BICDL1: variants seen among roughly 807,000 people sequenced by gnomAD.
The protein encoded by BICDL1 is BICD family-like cargo adapter 1.
Under a neutral mutation model 76.8 loss-of-function variants are expected in BICDL1, and 20 were observed. The observed-to-expected ratio is 0.26, with a 90% confidence interval of 0.18 to 0.38. The LOEUF (loss-of-function observed/expected upper bound fraction) is 0.38. Ranked by LOEUF, BICDL1 falls within the 10% of genes least tolerant of loss-of-function variation. The pLI, the probability that BICDL1 is intolerant of heterozygous loss-of-function variation, is 1.00. For synonymous variants in BICDL1, 383 were observed against 337.1 expected, an observed-to-expected ratio of 1.14 and a Z score of -1.49; for missense variants, 700 against 798.6, an observed-to-expected ratio of 0.88 and a Z score of 1.49.
intron 2 of BICDL1, among the ~76,000 whole-genome samples, chr12:120,028,963 T>G (rs1314260932): frequency 6.6e-6 from 1 of 152,170 alleles, no homozygotes; most frequent in Non-Finnish European, 1.5e-5. Flanking sequence ...TCCCTTAAGT[T>G]ACAGGTAAGC....
At chr12:120,055,829 A>G (rs1367748119) in intron 2 of BICDL1, among the ~76,000 whole-genome samples, 1 of 152,232 alleles carries the variant, frequency 6.6e-6, no homozygotes, top group Non-Finnish European at 1.5e-5. Flanking sequence ...TACTGTTGAT[A>G]GGGATATAAA....
intron 1 of BICDL1, among the ~76,000 whole-genome samples, chr12:119,995,978 T>A: frequency 6.8e-6 from 1 of 146,214 alleles, no homozygotes; most frequent in African/African-American, 2.6e-5. Context: ...AGAGCAAGAC[T>A]CCGTCTCAAA....
intron 2 of BICDL1, among the ~76,000 whole-genome samples, chr12:120,056,454 C>T (rs749901419): frequency 9.2e-5 from 14 of 152,206 alleles, no homozygotes; most frequent in Non-Finnish European, 1.9e-4. Context: ...GGCGCAGTGG[C>T]TCACGCCTGT....
Position 119,989,602 on chromosome 12 carries a change from A to T in BICDL1, c.-267A>T, listed in dbSNP as rs927318883. On this transcript the variant is annotated 5_prime_UTR_variant, in exon 1 of 10. Coordinates refer to ENST00000548673, the MANE Select transcript of BICDL1 (RefSeq NM_001367886.1). ...TCCCTTCCCCAGCCTTCCCGTTCCC[A>T]CCACCTACTCCGCCACTACCCCCAC... Among the ~76,000 whole-genome samples, 2 of 146,810 alleles carry T rather than the reference A, an allele frequency of 1.4e-5. No homozygotes were observed. Among genetic ancestry groups the T allele is most frequent in the Non-Finnish European group, 3.0e-5 (2 of 66,004 alleles).
chr12:120,063,124 G>A lies in BICDL1; in HGVS notation c.762+1298G>A, dbSNP rs964886952. Among the ~76,000 whole-genome samples, 4 of 152,286 alleles carry A rather than the reference G, an allele frequency of 2.6e-5. No homozygotes were observed. The East Asian group carries it at 5.8e-4, about 22-fold the overall frequency. On this transcript the variant is annotated intron_variant, in intron 3 of 9. Transcript: ENST00000548673. ...ACTAAGTTTTTTTAGGGTCAGTTGTGTATCAGAATCTTATTACCCCATCAC... is the reference window on the plus strand; with the variant it reads ...ACTAAGTTTTTTTAGGGTCAGTTGTATATCAGAATCTTATTACCCCATCAC...
At position 120,009,911 on chromosome 12, in the gene BICDL1, TATA is replaced by T. The variant is rs768907732; in HGVS notation, c.645+11177_645+11179del. Among the ~76,000 whole-genome samples, 3 of 152,246 alleles carry T rather than the reference TATA, an allele frequency of 2.0e-5. No individual in the cohort carries two copies. The East Asian group carries it at 5.8e-4, about 29-fold the overall frequency. Reference sequence around the variant, plus strand: ...ATCTGGGCCAATAGTCCAGTGCTATTATAAGTGTTTTAGAGCTAAAAGAGAACT... The same window carrying T: ...ATCTGGGCCAATAGTCCAGTGCTATTAGTGTTTTAGAGCTAAAAGAGAACT... On this transcript the variant is annotated intron_variant, in intron 2 of 9. Transcript: ENST00000548673.
intron 2 of BICDL1, among the ~76,000 whole-genome samples, chr12:120,040,093 T>TCTTTC (rs1343131254): frequency 6.7e-6 from 1 of 149,552 alleles, no homozygotes; most frequent in Non-Finnish European, 1.5e-5. Context: ...TATTTCTTTT[T>TCTTTC]CTTTTCTTTT....
At position 120,089,979 on chromosome 12, in the gene BICDL1, A is replaced by C; in HGVS notation, c.1612A>C (p.Lys538Gln). ...GAATGCTGTGGAGCTGGAACTTGCC[A>C]AGTGCAGGATGGATATGATGTCTCT... ...KKNAVELELA[K>Q]CRMDMMSLNS... The change falls in exon 9 of 10, where the codon AAG (lysine) becomes CAG (glutamine). Residue 538 changes from lysine to glutamine, a missense_variant. Physicochemically the swap from Lys to Gln is moderately conservative, Grantham distance 53 (BLOSUM62 1). Coordinates refer to ENST00000548673, the MANE Select transcript of BICDL1 (RefSeq NM_001367886.1). 1 of 1,614,172 alleles carries C rather than the reference A, an allele frequency of 6.2e-7. No individual in the cohort carries two copies. Among genetic ancestry groups the C allele is most frequent in the Non-Finnish European group, 8.5e-7 (1 of 1,180,014 alleles).
rs955373223 is a variant in BICDL1 at position 120,071,256 on chromosome 12, C to T, written c.910-366C>T. On this transcript the variant is annotated intron_variant, in intron 4 of 9. Coordinates refer to ENST00000548673, the MANE Select transcript of BICDL1 (RefSeq NM_001367886.1). This position sits in a 1 kb window ranked among gnomAD's most constrained non-coding sequence, Gnocchi z 4.8. Reference sequence around the variant, plus strand: ...CTCCTGGGTTCAAGCGATTCTCCTGCCTCATTCCCCAAGTAGCTGGGATTT... The same window carrying T: ...CTCCTGGGTTCAAGCGATTCTCCTGTCTCATTCCCCAAGTAGCTGGGATTT... Among the ~76,000 whole-genome samples the T allele has an allele frequency of 6.6e-6, 1 of 151,790 alleles. No homozygotes were observed. Among genetic ancestry groups the T allele is most frequent in the African/African-American group, 2.4e-5 (1 of 41,298 alleles).
intron 2 of BICDL1, among the ~76,000 whole-genome samples, chr12:120,058,950 G>C (rs1953043880): frequency 6.6e-6 from 1 of 152,076 alleles, no homozygotes; most frequent in African/African-American, 2.4e-5. Flanking sequence ...AAGAAGAAAA[G>C]CCTTGCTAAA....
At chr12:119,998,986 G>C (rs1170458597) in intron 2 of BICDL1, among the ~76,000 whole-genome samples, 4 of 148,864 alleles carry the variant, frequency 2.7e-5, no homozygotes, top group Admixed American at 6.8e-5. Context: ...GAGCCCAGGA[G>C]GTCAAGGCTG....
At chr12:120,075,447 A>T (rs2138961859) in intron 7 of BICDL1, among the ~76,000 whole-genome samples, 1 of 149,808 alleles carries the variant, frequency 6.7e-6, no homozygotes, top group African/African-American at 2.5e-5. Flanking sequence ...AGGCTGGAGT[A>T]TAGTGGCGCA....
At chr12:119,995,917 C>T (rs182259115) in intron 1 of BICDL1, among the ~76,000 whole-genome samples, 200 of 150,592 alleles carry the variant, frequency 1.3e-3, no homozygotes, top group Admixed American at 1.6e-3. Flanking sequence ...ACCCGGGAGG[C>T]GGAGGTTGCA....
intron 2 of BICDL1, among the ~76,000 whole-genome samples, chr12:120,043,990 G>A (rs1049612318): frequency 6.6e-6 from 1 of 152,158 alleles, no homozygotes; most frequent in Non-Finnish European, 1.5e-5. Flanking sequence ...TTTTAACCGG[G>A]GATCTTATAA....
intron 2 of BICDL1, among the ~76,000 whole-genome samples, chr12:120,021,937 A>T (rs903138750): frequency 8.0e-5 from 12 of 149,404 alleles, no homozygotes; most frequent in South Asian, 2.1e-4. Context: ...ATAAATAAAA[A>T]AATAAAATAA....
intron 3 of BICDL1, among the ~76,000 whole-genome samples, chr12:120,063,360 G>T (rs1489635145): frequency 6.6e-6 from 1 of 152,114 alleles, no homozygotes; most frequent in Admixed American, 6.6e-5. Flanking sequence ...ATATTTCTTT[G>T]TTTGGCCAGA....
At chr12:119,999,858 C>T in intron 2 of BICDL1, 1 of 421,390 alleles carries the variant, frequency 2.4e-6, no homozygotes, top group Non-Finnish European at 4.6e-6. Flanking sequence ...AAGAACTTCT[C>T]TGATATCATC....
At position 120,061,788 on chromosome 12, in the gene BICDL1, A is replaced by G; in HGVS notation, c.724A>G (p.Asn242Asp). The change falls in exon 3 of 10, where the codon AAC becomes GAC. Residue 242 changes from asparagine to aspartate, a missense_variant. Asn to Asp is a conservative substitution (Grantham distance 23). Around this residue, in one of 3 missense-constraint regions of BICDL1, gnomAD observed 455 missense variants for 548.7 expected, o/e 0.83. Coordinates refer to ENST00000548673, the MANE Select transcript of BICDL1 (RefSeq NM_001367886.1). Reference sequence around the variant, plus strand: ...CTTTCGGGAGAAAAACTCATCAACCAACCAGCACATTATCCGGCTGGAGAG... The same window carrying G: ...CTTTCGGGAGAAAAACTCATCAACCGACCAGCACATTATCCGGCTGGAGAG... Reference protein sequence around the residue: ...EDFREKNSSTNQHIIRLESLQ... With the variant: ...EDFREKNSSTDQHIIRLESLQ... 3.1e-6 allele frequency: 5 copies of G among 1,614,198 alleles called. No individual in the cohort carries two copies. Among genetic ancestry groups the G allele is most frequent in the Non-Finnish European group, 4.2e-6 (5 of 1,180,006 alleles).
chr12:120,002,765 A>G (rs1182518970), intron 2 of BICDL1, among the ~76,000 whole-genome samples: 2 of 152,234 alleles, frequency 1.3e-5, no homozygotes, highest in Non-Finnish European at 2.9e-5. Flanking sequence ...TGTATAAATA[A>G]ATGAACAATC....
Sources: gnomAD v4.1 joint callset for allele counts (sites outside exome capture counted in the v4.1 genomes callset) on GRCh38, gnomAD v4.1.1 for gene constraint, gnomAD v4.1.1 regional missense constraint, Gnocchi (gnomAD v3.1) non-coding constraint, MANE v1.5 for transcripts, NCBI Gene and HGNC (gene_info 2026-07-23, HGNC 2026-07-21) for gene names.